Variants in NFIC observed in about 807,000 individuals in gnomAD.
NFIC encodes nuclear factor 1 C-type.
Under a neutral mutation model 54.4 loss-of-function variants are expected in NFIC, and 12 were observed. The ratio of observed to expected loss-of-function variants is 0.22; its 90% CI spans 0.14 to 0.36. The LOEUF is 0.36. Ranked by LOEUF, NFIC falls within the 10% of genes least tolerant of loss-of-function variation. The pLI is 1.00. For missense variants in NFIC, 575 were observed against 718.2 expected (o/e 0.80, Z 2.28); for synonymous variants, 322 against 319.2 (o/e 1.01, Z -0.09).
chr19:3,446,373 G>A (rs372281432), intron 6 of NFIC, among the ~76,000 whole-genome samples: 9 of 151,582 alleles, frequency 5.9e-5, no homozygotes, highest in African/African-American at 1.9e-4. Flanking sequence ...GGGGACATCT[G>A]TGGTTGTTAC....
Position 3,435,101 on chromosome 19 carries a change from G to A in NFIC, c.852G>A (p.Ser284=), listed in dbSNP as rs138945457. The A allele has an allele frequency of 1.2e-6, 2 of 1,603,222 alleles. No homozygotes were observed. Among genetic ancestry groups the A allele is most frequent in the Non-Finnish European group, 8.5e-7 (1 of 1,174,316 alleles). ...CCATAAGGAGCAAGCGGCACAAATCGGGCTCGATGGAGGAAGACGTGGACA... is the reference window on the plus strand; with the variant it reads ...CCATAAGGAGCAAGCGGCACAAATCAGGCTCGATGGAGGAAGACGTGGACA... The part of the protein sequence containing the change: ...TSSSGSKRHK[S]GSMEEDVDTS... Residue 284 remains serine (S), a synonymous_variant, in exon 6 of 11, where the codon TCG becomes TCA. Coordinates refer to ENST00000443272, the MANE Select transcript of NFIC (RefSeq NM_001245002.2).
At chr19:3,390,095 C>T (rs566941609) in intron 2 of NFIC, among the ~76,000 whole-genome samples, 1 of 152,274 alleles carries the variant, frequency 6.6e-6, no homozygotes, top group African/African-American at 2.4e-5. Flanking sequence ...CCTACACCTC[C>T]TTTTCCCAAC....
chr19:3,464,526 G>GGCGCCCCCCC lies in NFIC; in HGVS notation c.*1757_*1758insGCGCCCCCCC. On this transcript the variant is annotated 3_prime_UTR_variant, in exon 11 of 11. Transcript: ENST00000443272. ...GCTCAAACACAAGGACCCCTCCCCG[G>GGCGCCCCCCC]CCCACCCAGCCCAGCCCCAACTGAC... is the stretch of plus-strand genomic sequence containing the variant. 1.1e-6 allele frequency: 1 copy of GGCGCCCCCCC among 935,210 alleles called. No homozygotes were observed. The highest frequency in any genetic ancestry group is 5.4e-4 in the Middle Eastern group (1 of 1,838). The allele number at this position is 935,210 out of a possible 1,614,324, so 57.9% of individuals were successfully genotyped here.
intron 2 of NFIC, among the ~76,000 whole-genome samples, chr19:3,419,238 A>G (rs10405149): frequency 0.91 from 137,774 of 152,186 alleles, 62,452 homozygotes; most frequent in Non-Finnish European, 0.93. Context: ...AATATTATGC[A>G]TATTTTACCA....
chr19:3,424,697 C>A (rs1568440130), intron 2 of NFIC, among the ~76,000 whole-genome samples: 1 of 152,188 alleles, frequency 6.6e-6, no homozygotes, highest in Non-Finnish European at 1.5e-5. Context: ...CTTCATTTTA[C>A]AGATGAGGCT....
intron 6 of NFIC, among the ~76,000 whole-genome samples, chr19:3,435,620 C>T (rs1226047438): frequency 6.6e-6 from 1 of 152,018 alleles, no homozygotes. Context: ...CCTGAGATGC[C>T]GGATCCCTTC....
chr19:3,435,079 T>A lies in NFIC; in HGVS notation c.834-4T>A, dbSNP rs772883679. ...CCAGCCTCTCCCCTTCCCTCGCCCATAAGGAGCAAGCGGCACAAATCGGGC... is the reference window on the plus strand; with the variant it reads ...CCAGCCTCTCCCCTTCCCTCGCCCAAAAGGAGCAAGCGGCACAAATCGGGC... On this transcript the variant is annotated splice_region_variant and splice_polypyrimidine_tract_variant and intron_variant, in intron 5 of 10. Coordinates refer to ENST00000443272, the MANE Select transcript of NFIC (RefSeq NM_001245002.2). 1 of 1,591,702 alleles carries A rather than the reference T, an allele frequency of 6.3e-7. No homozygotes were observed. Among genetic ancestry groups the A allele is most frequent in the South Asian group, 1.1e-5 (1 of 88,844 alleles).
intron 5 of NFIC, 142 bp from the exon 6 acceptor site, chr19:3,434,941 C>G (rs1466979977): frequency 5.1e-6 from 6 of 1,174,542 alleles, no homozygotes; most frequent in South Asian, 3.2e-5. Context: ...ACGGGCTGAA[C>G]GCCCGCGGCT....
At chr19:3,363,232 T>TGTGTGTGTGTGTGG (rs201714015), upstream of NFIC, among the ~76,000 whole-genome samples, 1 of 52,996 alleles carries the variant, frequency 1.9e-5, no homozygotes, top group African/African-American at 8.0e-5. Context: ...TATGTATGTG[T>TGTGTGTGTGTGTGG]ATGTGTGTGT....
Position 3,464,812 on chromosome 19 carries a change from C to G in NFIC, c.*2043C>G. 1.4e-6 allele frequency: 1 copy of G among 695,320 alleles called. No individual in the cohort carries two copies. Among genetic ancestry groups the G allele is most frequent in the Non-Finnish European group, 1.8e-6 (1 of 565,380 alleles). The allele number at this position is 695,320 out of a possible 1,614,324, so 43.1% of individuals were successfully genotyped here. On this transcript the variant is annotated 3_prime_UTR_variant, in exon 11 of 11. Coordinates refer to ENST00000443272, the MANE Select transcript of NFIC (RefSeq NM_001245002.2). ...CCCTTGGTCCCTCCGTCCGTCTGTC[C>G]TCGGGGCCCGCTCCCCCGGTGGCCC...
Position 3,459,166 on chromosome 19 carries a change from C to T in NFIC, c.1509+2531C>T, listed in dbSNP as rs2082604314. Among the ~76,000 whole-genome samples, 7 of 152,196 alleles carry T rather than the reference C, an allele frequency of 4.6e-5. No individual in the cohort carries two copies. In the South Asian group the frequency reaches 1.2e-3, roughly 27 times the overall value. ...CTATTCCTGGCGGATTCGCTTCCCT[C>T]TGCCCCCTCCTCCCCCAAAGCCTGG... is the stretch of plus-strand genomic sequence containing the variant. On this transcript the variant is annotated intron_variant, in intron 10 of 10. Coordinates refer to ENST00000443272, the MANE Select transcript of NFIC (RefSeq NM_001245002.2). This position sits in a 1 kb window ranked among gnomAD's most constrained non-coding sequence, Gnocchi z 4.2.
At chr19:3,406,812 C>G (rs1199162403) in intron 2 of NFIC, among the ~76,000 whole-genome samples, 2 of 152,208 alleles carry the variant, frequency 1.3e-5, no homozygotes, top group Non-Finnish European at 2.9e-5. Context: ...GTGCCGGGAG[C>G]TGTGGACGAT....
At chr19:3,397,603 C>T (rs1229846597) in intron 2 of NFIC, among the ~76,000 whole-genome samples, 2 of 152,214 alleles carry the variant, frequency 1.3e-5, no homozygotes, top group Non-Finnish European at 2.9e-5. Flanking sequence ...TCCCACCCCA[C>T]CTCGCTCTCT....
chr19:3,425,679 T>G (rs2082016479), intron 3 of NFIC, among the ~76,000 whole-genome samples: 1 of 151,568 alleles, frequency 6.6e-6, no homozygotes, highest in Non-Finnish European at 1.5e-5. Context: ...AGGTCGGTCT[T>G]GAACTCCTGA....
chr19:3,371,998 CCTCT>C (rs56852086), intron 1 of NFIC, among the ~76,000 whole-genome samples: 1,432 of 35,402 alleles, frequency 0.04, 97 homozygotes, highest in Non-Finnish European at 0.041. Context: ...CCTCTCTCTC[CCTCT>C]CTCTCTCTCT....
chr19:3,359,788 C>A, intron 1 of NFIC: 1 of 1,222,720 alleles, frequency 8.2e-7, no homozygotes, highest in Non-Finnish European at 1.0e-6. Context: ...GGGGCGGGGG[C>A]CGCCCGGAGG....
At chr19:3,429,867 CAG>C (rs1479571617) in intron 3 of NFIC, among the ~76,000 whole-genome samples, 1 of 152,216 alleles carries the variant, frequency 6.6e-6, no homozygotes, top group Non-Finnish European at 1.5e-5. Context: ...TCGTGGCCCT[CAG>C]GGAGGTGATG....
At chr19:3,381,395 C>CAAAAAAAAAAA (rs71164686) in intron 1 of NFIC, among the ~76,000 whole-genome samples, 5 of 100,906 alleles carry the variant, frequency 5.0e-5, no homozygotes, top group South Asian at 3.0e-4. Flanking sequence ...GACTCCGTCT[C>CAAAAAAAAAAA]AAAAAAAAAA....
chr19:3,377,333 CA>C (rs71164684), intron 1 of NFIC, among the ~76,000 whole-genome samples: 606 of 57,786 alleles, frequency 0.01, 2 homozygotes, highest in African/African-American at 0.037. Flanking sequence ...GACTCTGTCT[CA>C]AAAAAAAAAA....
Sources: allele counts gnomAD v4.1 joint callset (sites outside exome capture counted in the v4.1 genomes callset), GRCh38; gene constraint gnomAD v4.1.1; non-coding constraint Gnocchi (gnomAD v3.1); transcripts MANE v1.5; gene names NCBI Gene and HGNC (gene_info 2026-07-23, HGNC 2026-07-21).